The following NAP1L1 variants were observed in gnomAD, a reference collection of about 807,000 sequenced individuals.
NAP1L1 encodes the protein nucleosome assembly protein 1 like 1, also known as nucleosome assembly protein 1-like 1.
NAP1L1 carries 9 observed loss-of-function variants against 58.9 expected under a neutral mutation model. The ratio of observed to expected loss-of-function variants is 0.15; its 90% CI spans 0.09 to 0.27. The LOEUF (loss-of-function observed/expected upper bound fraction) is 0.27. NAP1L1 is among the 10% of genes least tolerant of loss of function. The probability of loss-of-function intolerance (pLI) is 1.00; values close to 1 mark genes in which losing one functional copy is unlikely to be tolerated. For synonymous variants in NAP1L1, 130 were observed against 138.3 expected, an observed-to-expected ratio of 0.94 and a Z score of 0.42; for missense variants, 302 against 458.8, an observed-to-expected ratio of 0.66 and a Z score of 3.12.
chr12:76,068,778 A>ACT (rs1949809592), intron 3 of NAP1L1, 131 bp downstream of exon 3: 8 of 651,192 alleles, frequency 1.2e-5, no homozygotes, highest in Non-Finnish European at 2.7e-6. Flanking sequence ...ACACACACAC[A>ACT]CTAGAAGTAT....
At chr12:76,057,888 T>C (rs1949194461) in intron 6 of NAP1L1, 11 of 1,358,984 alleles carry the variant, frequency 8.1e-6, no homozygotes, top group African/African-American at 1.4e-5. Flanking sequence ...AAGGTTACTA[T>C]AGCCAAAATT....
chr12:76,049,580 T>C (rs1948726789), intron 13 of NAP1L1, 176 bp downstream of exon 13: 2 of 1,527,140 alleles, frequency 1.3e-6, no homozygotes, highest in Non-Finnish European at 1.8e-6. Flanking sequence ...TTTTGCAATT[T>C]ATTTATTGAA....
chr12:76,062,517 A>G (rs577370198), intron 4 of NAP1L1, among the ~76,000 whole-genome samples: 116 of 152,346 alleles, frequency 7.6e-4, no homozygotes, highest in African/African-American at 2.7e-3. Flanking sequence ...GAATTTAAAC[A>G]AGAATGTAAA....
chr12:76,049,396 A>C, intron 13 of NAP1L1, 146 bp from the exon 14 acceptor site: 1 of 1,537,158 alleles, frequency 6.5e-7, no homozygotes, highest in Non-Finnish European at 8.7e-7. Context: ...ATTTAATTTG[A>C]AAGCTTCTAA....
At chr12:76,052,979 T>C in intron 11 of NAP1L1, 112 bp downstream of exon 11, 1 of 965,896 alleles carries the variant, frequency 1.0e-6, no homozygotes, top group Non-Finnish European at 1.5e-6. Flanking sequence ...CCCCATGCAT[T>C]GTAGGCCTCA....
At chr12:76,078,217 C>A (rs1417275532) in intron 1 of NAP1L1, among the ~76,000 whole-genome samples, 1 of 151,952 alleles carries the variant, frequency 6.6e-6, no homozygotes, top group Non-Finnish European at 1.5e-5. Context: ...GGCCTGTCCA[C>A]GGTGGCTATC....
intron 2 of NAP1L1, among the ~76,000 whole-genome samples, chr12:76,069,750 A>T (rs563260128): frequency 2.4e-4 from 36 of 152,318 alleles, no homozygotes; most frequent in African/African-American, 8.4e-4. Flanking sequence ...CTTGTTTAGA[A>T]CAAAGCCAAG....
At position 76,037,044 on chromosome 12, in the gene NAP1L1, G is replaced by C. The variant is rs1195159690; in HGVS notation, c.*11385C>G. 4 of 152,176 alleles carry C rather than the reference G, an allele frequency of 2.6e-5. No homozygotes were observed. Among genetic ancestry groups the C allele is most frequent in the African/African-American group, 9.7e-5 (4 of 41,410 alleles). 9.4% of individuals were successfully genotyped at this position (152,176 alleles called of 1,614,324 possible). A position where few individuals can be genotyped will look rare whatever the true frequency, so the allele number is the denominator to read the frequency against. ...GATCACGCCACTGCACTCCAGCCTG[G>C]GCAACAGAGCGAGAATCTGTCTCAA... On this transcript the variant is annotated 3_prime_UTR_variant, in exon 15 of 15. Coordinates refer to ENST00000618691, the MANE Select transcript of NAP1L1 (RefSeq NM_004537.7).
chr12:76,055,236 G>A (rs1306117544), intron 7 of NAP1L1, 146 bp from the exon 8 acceptor site: 3 of 503,746 alleles, frequency 6.0e-6, no homozygotes, highest in Non-Finnish European at 1.0e-5. Context: ...TACTCTCCAG[G>A]TTATGGCTTA....
At chr12:76,054,504 A>G (rs534631564) in intron 8 of NAP1L1, among the ~76,000 whole-genome samples, 1 of 152,358 alleles carries the variant, frequency 6.6e-6, no homozygotes, top group African/African-American at 2.4e-5. Context: ...TTCCTGAATA[A>G]AGTGACCATG....
rs534120401 is a variant in NAP1L1 at position 76,044,227 on chromosome 12, G to A, written c.*4202C>T. 1.3e-5 allele frequency: 2 copies of A among 152,274 alleles called. No homozygotes were observed. The highest frequency in any genetic ancestry group is 1.9e-4 in the East Asian group (1 of 5,204). The allele number at this position is 152,274 out of a possible 1,614,324, so 9.4% of individuals were successfully genotyped here. On this transcript the variant is annotated 3_prime_UTR_variant, in exon 15 of 15. Coordinates refer to ENST00000618691, the MANE Select transcript of NAP1L1 (RefSeq NM_004537.7). ...TGAGGCACGAGAATCGCTTGAACCC[G>A]GGAGATGACAGCTGTAGTGAGCCGA...
At chr12:76,058,922 A>G (rs1175185907) in intron 6 of NAP1L1, among the ~76,000 whole-genome samples, 2 of 152,202 alleles carry the variant, frequency 1.3e-5, no homozygotes, top group African/African-American at 2.4e-5. Context: ...TATGGGCACA[A>G]TAACATACTG....
intron 13 of NAP1L1, 85 bp from the exon 14 acceptor site, chr12:76,049,335 T>G (rs1243623506): frequency 1.9e-6 from 3 of 1,604,586 alleles, no homozygotes; most frequent in African/African-American, 2.7e-5. Flanking sequence ...TAATACAAGT[T>G]ACTCTACGGA....
intron 6 of NAP1L1, chr12:76,056,914 G>A (rs1256326184): frequency 2.6e-5 from 7 of 267,670 alleles, no homozygotes; most frequent in South Asian, 1.7e-4. Flanking sequence ...GGGAGAAGGA[G>A]GCAGAAGAAT....
rs1948549912 is a variant in NAP1L1 at position 76,041,443 on chromosome 12, TA to T, written c.*6985del. 6.6e-6 allele frequency: 1 copy of T among 152,112 alleles called. No homozygotes were observed. Among genetic ancestry groups the T allele is most frequent in the Non-Finnish European group, 1.5e-5 (1 of 68,066 alleles). 9.4% of individuals were successfully genotyped at this position (152,112 alleles called of 1,614,324 possible). ...ATGCACAAAAGCCCAGTGGCAGAAG[TA>T]AAAGAAAAGGCAGCCAAGCAGAGCT... On this transcript the variant is annotated 3_prime_UTR_variant, in exon 15 of 15. Coordinates refer to ENST00000618691, the MANE Select transcript of NAP1L1 (RefSeq NM_004537.7).
At chr12:76,063,385 T>C (rs1949506323) in intron 4 of NAP1L1, among the ~76,000 whole-genome samples, 1 of 151,916 alleles carries the variant, frequency 6.6e-6, no homozygotes, top group Admixed American at 6.6e-5. Context: ...ATCTATCCAA[T>C]GGGAAGCAGA....
intron 11 of NAP1L1, 136 bp from the exon 12 acceptor site, chr12:76,050,789 G>T (rs1446774354): frequency 2.3e-6 from 2 of 858,640 alleles, no homozygotes; most frequent in Admixed American, 6.8e-5. Flanking sequence ...CAAAGTAGGA[G>T]GATCACTTGA....
chr12:76,046,478 G>A lies in NAP1L1; in HGVS notation c.*1951C>T, dbSNP rs1300703606. 1.3e-5 allele frequency: 2 copies of A among 150,930 alleles called. No homozygotes were observed. Among genetic ancestry groups the A allele is most frequent in the East Asian group, 3.9e-4 (2 of 5,166 alleles). 9.3% of individuals were successfully genotyped at this position (150,930 alleles called of 1,614,324 possible). On this transcript the variant is annotated 3_prime_UTR_variant, in exon 15 of 15. Transcript: ENST00000618691. ...AGTTCAGAAAAAGCTGCATTTCGAT[G>A]AACTATGGTTAAAAAAAAAAAGCAC...
intron 1 of NAP1L1, among the ~76,000 whole-genome samples, chr12:76,075,874 T>C (rs1356857982): frequency 1.3e-5 from 2 of 151,964 alleles, no homozygotes; most frequent in East Asian, 3.9e-4. Flanking sequence ...CTTAAACATG[T>C]CCATCTCAGC....
Sources: allele counts gnomAD v4.1 joint callset (sites outside exome capture counted in the v4.1 genomes callset), GRCh38; gene constraint gnomAD v4.1.1; transcripts MANE v1.5; gene names NCBI Gene and HGNC (gene_info 2026-07-23, HGNC 2026-07-21).